ATP9A: variants seen among roughly 807,000 people sequenced by gnomAD.
The protein encoded by ATP9A is ATPase phospholipid transporting 9A, also known as probable phospholipid-transporting ATPase IIA.
ATP9A carries 52 observed loss-of-function variants against 144.1 expected under a neutral mutation model. That is an observed-to-expected ratio of 0.36 (90% CI 0.29 to 0.45). The LOEUF (loss-of-function observed/expected upper bound fraction) is 0.45, where lower values mean the gene tolerates loss of function less well. Among genes scored for constraint, ATP9A ranks in the 20% least tolerant of loss-of-function variants. The pLI, the probability that ATP9A is intolerant of heterozygous loss-of-function variation, is 1.00. For missense variants in ATP9A, 947 were observed against 1,392.7 expected (o/e 0.68, Z 5.09); for synonymous variants, 582 against 557.4 (o/e 1.04, Z -0.62).
chr20:51,639,309 T>C, intron 15 of ATP9A, 34 bp downstream of exon 15: 1 of 1,583,992 alleles, frequency 6.3e-7, no homozygotes, highest in Non-Finnish European at 8.6e-7. Context: ...CTGGGGTACT[T>C]AAGCACTTTA....
chr20:51,603,092 CAG>C (rs1034560491), intron 27 of ATP9A, among the ~76,000 whole-genome samples: 4 of 152,168 alleles, frequency 2.6e-5, no homozygotes, highest in African/African-American at 9.6e-5. Flanking sequence ...AAGTTTCCCC[CAG>C]AGAGAGTCTA....
rs143104526 is a variant in ATP9A at position 51,667,275 on chromosome 20, C to T, written c.1293+2722G>A. Among the ~76,000 whole-genome samples, 659 of 152,322 alleles carry T rather than the reference C, an allele frequency of 4.3e-3. 8 individuals carry two copies. Among genetic ancestry groups the T allele is most frequent in the African/African-American group, 0.015 (619 of 41,560 alleles). ...CCTGAGAGGGGACGGCTTCCGTAAA[C>T]ACCAGGAGCTCTTAAAAATACCAGC... On this transcript the variant is annotated intron_variant, in intron 13 of 27. Coordinates refer to ENST00000338821, the MANE Select transcript of ATP9A (RefSeq NM_006045.3).
At chr20:51,685,734 G>T (rs557051735) in intron 9 of ATP9A, among the ~76,000 whole-genome samples, 115 of 152,318 alleles carry the variant, frequency 7.5e-4, no homozygotes, top group African/African-American at 2.7e-3. Flanking sequence ...CGGAGAGGAT[G>T]TGCAGAAACA....
intron 6 of ATP9A, among the ~76,000 whole-genome samples, chr20:51,695,400 T>C (rs1050990788): frequency 6.8e-6 from 1 of 147,646 alleles, no homozygotes; most frequent in African/African-American, 2.5e-5. Context: ...GAGGCAGAGG[T>C]TGAGGTAAGC....
chr20:51,747,034 A>C (rs1021818107), intron 1 of ATP9A, among the ~76,000 whole-genome samples: 16 of 151,912 alleles, frequency 1.1e-4, no homozygotes, highest in Non-Finnish European at 1.5e-5. Flanking sequence ...AAAGGAGTGG[A>C]AGGAAAGGTA....
chr20:51,697,856 A>G (rs1472061772), intron 4 of ATP9A, among the ~76,000 whole-genome samples: 2 of 152,210 alleles, frequency 1.3e-5, no homozygotes, highest in East Asian at 3.9e-4. Flanking sequence ...AATTTTCAAC[A>G]CCACCAAAAA....
At chr20:51,648,176 C>A (rs1238015986) in intron 14 of ATP9A, among the ~76,000 whole-genome samples, 1 of 152,118 alleles carries the variant, frequency 6.6e-6, no homozygotes, top group Non-Finnish European at 1.5e-5. Flanking sequence ...TATACCCAGG[C>A]ATGGAGGGGA....
At chr20:51,658,809 C>T (rs569347625) in intron 13 of ATP9A, among the ~76,000 whole-genome samples, 5 of 150,874 alleles carry the variant, frequency 3.3e-5, no homozygotes, top group South Asian at 2.1e-4. Context: ...TGTGAGCCAC[C>T]GTGCCCGACC....
At chr20:51,681,427 CTTT>C (rs66579534) in intron 9 of ATP9A, among the ~76,000 whole-genome samples, 1 of 131,632 alleles carries the variant, frequency 7.6e-6, no homozygotes. Context: ...TCCTAAATTT[CTTT>C]TTTTTTTTTT....
chr20:51,600,955 C>A lies in ATP9A; in HGVS notation c.*256G>T. ...CATATAAATCTCCCAGCTGAGCCAC[C>A]AGCTTTAACATATTCATATTCACCT... On this transcript the variant is annotated 3_prime_UTR_variant, in exon 28 of 28. Coordinates refer to ENST00000338821, the MANE Select transcript of ATP9A (RefSeq NM_006045.3). 3.1e-6 allele frequency: 1 copy of A among 323,238 alleles called. No homozygotes were observed. The highest frequency in any genetic ancestry group is 5.6e-6 in the Non-Finnish European group (1 of 179,236). 20.0% of individuals were successfully genotyped at this position (323,238 alleles called of 1,614,324 possible).
chr20:51,755,049 C>A (rs904797216), intron 1 of ATP9A, among the ~76,000 whole-genome samples: 1 of 152,114 alleles, frequency 6.6e-6, no homozygotes. Context: ...ACCCAGGAGC[C>A]GGAGGCTGCA....
In ATP9A at chr20:51,600,612, T is replaced by C. The variant is rs2122699530; in HGVS notation, c.*599A>G. On this transcript the variant is annotated 3_prime_UTR_variant, in exon 28 of 28. Coordinates refer to ENST00000338821, the MANE Select transcript of ATP9A (RefSeq NM_006045.3). Reference sequence around the variant, plus strand: ...ACTGGTTACGATCCCAGGAATCCAGTGTAACCTGGATAAGCAGGGCTGGCT... The same window carrying C: ...ACTGGTTACGATCCCAGGAATCCAGCGTAACCTGGATAAGCAGGGCTGGCT... The C allele has an allele frequency of 6.6e-6, 1 of 152,154 alleles. No homozygotes were observed. The highest frequency in any genetic ancestry group is 1.9e-4 in the East Asian group (1 of 5,196). 9.4% of individuals were successfully genotyped at this position (152,154 alleles called of 1,614,324 possible).
chr20:51,766,834 C>T (rs1214722401), intron 1 of ATP9A, among the ~76,000 whole-genome samples: 3 of 151,866 alleles, frequency 2.0e-5, no homozygotes, highest in Admixed American at 2.0e-4. Context: ...AGGGAGACTC[C>T]GTCTCAATAA....
At chr20:51,627,529 G>T in intron 17 of ATP9A, 71 bp downstream of exon 17, 1 of 1,362,056 alleles carries the variant, frequency 7.3e-7, no homozygotes, top group African/African-American at 1.4e-5. Flanking sequence ...ATAGGATGAG[G>T]GATGGTGGAA....
chr20:51,686,110 G>A (rs532367752), intron 9 of ATP9A, among the ~76,000 whole-genome samples: 72 of 152,164 alleles, frequency 4.7e-4, no homozygotes, highest in African/African-American at 1.7e-3. Flanking sequence ...GCAAACTATC[G>A]CAAGGACGGA....
chr20:51,765,646 A>AAAAAAAAAAAAAAAAAC, intron 1 of ATP9A, among the ~76,000 whole-genome samples: 1 of 150,692 alleles, frequency 6.6e-6, no homozygotes, highest in Admixed American at 6.7e-5. Flanking sequence ...ACATCTCAAA[A>AAAAAAAAAAAAAAAAAC]AAAAAAAACA....
Position 51,668,188 on chromosome 20 carries a change from A to AAAAC in ATP9A, c.1293+1808_1293+1809insGTTT, listed in dbSNP as rs151148526. Among the ~76,000 whole-genome samples, 102 of 122,958 alleles carry AAAAC rather than the reference A, an allele frequency of 8.3e-4. 2 individuals carry two copies. The highest frequency in any genetic ancestry group is 1.5e-3 in the South Asian group (5 of 3,226). 80.7% of individuals were successfully genotyped at this position (122,958 alleles called of 152,430 possible). ...AAGAAAGGGAGAAGGAAAAAAAAAA[A>AAAAC]AAAGGCCGAAGGGGTGATCTAGTGA... On this transcript the variant is annotated intron_variant, in intron 13 of 27. Coordinates refer to ENST00000338821, the MANE Select transcript of ATP9A (RefSeq NM_006045.3).
intron 14 of ATP9A, among the ~76,000 whole-genome samples, chr20:51,651,156 A>ATATATATATATATATATATG (rs11268017): frequency 0.018 from 2,276 of 126,886 alleles, 91 homozygotes; most frequent in East Asian, 0.034. Flanking sequence ...CTCTCTCCAT[A>ATATATATATATATATATATG]TATATATATA....
Position 51,638,069 on chromosome 20 carries a change from TTTTATATATA to T in ATP9A, c.1668+1264_1668+1273del, listed in dbSNP as rs1395799120. Among the ~76,000 whole-genome samples the T allele has an allele frequency of 4.9e-3, 356 of 73,132 alleles. 27 individuals carry two copies. The highest frequency in any genetic ancestry group is 0.017 in the East Asian group (46 of 2,630). 48.0% of individuals were successfully genotyped at this position (73,132 alleles called of 152,430 possible). On this transcript the variant is annotated intron_variant, in intron 15 of 27. Coordinates refer to ENST00000338821, the MANE Select transcript of ATP9A (RefSeq NM_006045.3). ...TCCATGGCTAAGTAGCATTTCATCATTTTATATATATATATATATATATATATATATATAT... is the reference window on the plus strand; with the variant it reads ...TCCATGGCTAAGTAGCATTTCATCATTATATATATATATATATATATATAT...
Sources: allele counts gnomAD v4.1 joint callset (sites outside exome capture counted in the v4.1 genomes callset), GRCh38; gene constraint gnomAD v4.1.1; transcripts MANE v1.5; gene names NCBI Gene and HGNC (gene_info 2026-07-23, HGNC 2026-07-21).